BACE2: variants seen among roughly 807,000 people sequenced by gnomAD.
BACE2 encodes 56 kDa aspartic-like protease.
Under a neutral mutation model 46.2 loss-of-function variants are expected in BACE2, and 17 were observed. That is an observed-to-expected ratio of 0.37 (90% CI 0.25 to 0.55). The LOEUF (loss-of-function observed/expected upper bound fraction) is 0.55. BACE2 is among the 20% of genes least tolerant of loss of function. The probability of loss-of-function intolerance (pLI) is 0.82; values close to 1 mark genes in which losing one functional copy is unlikely to be tolerated. For missense variants in BACE2, 595 were observed against 698.1 expected, an observed-to-expected ratio of 0.85 and a Z score of 1.66; for synonymous variants, 277 against 295.9, an observed-to-expected ratio of 0.94 and a Z score of 0.66.
chr21:41,219,011 C>T (rs577534442), intron 1 of BACE2, among the ~76,000 whole-genome samples: 8 of 151,950 alleles, frequency 5.3e-5, no homozygotes, highest in African/African-American at 1.2e-4. Context: ...TACAGGTGTG[C>T]GCCACCACAC....
At chr21:41,187,112 A>G (rs775025460) in intron 1 of BACE2, among the ~76,000 whole-genome samples, 4 of 152,144 alleles carry the variant, frequency 2.6e-5, no homozygotes, top group Non-Finnish European at 5.9e-5. Context: ...AGTGTGTGTC[A>G]TGGAGGAGGT....
chr21:41,251,903 C>T (rs1329510716), intron 7 of BACE2, among the ~76,000 whole-genome samples: 2 of 152,152 alleles, frequency 1.3e-5, no homozygotes, highest in Non-Finnish European at 2.9e-5. Context: ...CCAGTACCCA[C>T]TGACTCCCTC....
At chr21:41,202,202 G>A (rs996775948) in intron 1 of BACE2, among the ~76,000 whole-genome samples, 1 of 152,170 alleles carries the variant, frequency 6.6e-6, no homozygotes, top group East Asian at 1.9e-4. Context: ...GGAAACTGAC[G>A]GTTAGATGTT....
Position 41,250,803 on chromosome 21 carries a change from A to T in BACE2, c.1036A>T (p.Thr346Ser). The T allele has an allele frequency of 6.2e-7, 1 of 1,614,156 alleles. No individual in the cohort carries two copies. Among genetic ancestry groups the T allele is most frequent in the Non-Finnish European group, 8.5e-7 (1 of 1,180,018 alleles). The change falls in exon 7 of 9, where the codon ACG becomes TCG. Residue 346 changes from threonine (T) to serine (S), a missense_variant. This residue lies in a region of BACE2 where 343 missense variants were observed against 419.4 expected (regional missense o/e 0.82). Transcript: ENST00000330333. ...GACTGGGTCCCAGCTGGCGTGCTGG[A>T]CGAATTCGGAAACACCTTGGTCTTA... ...FWTGSQLACW[T>S]NSETPWSYFP... is the part of the protein sequence containing the mutation.
At chr21:41,270,753 T>C (rs542684789) in intron 8 of BACE2, among the ~76,000 whole-genome samples, 1 of 152,370 alleles carries the variant, frequency 6.6e-6, no homozygotes, top group Admixed American at 6.5e-5. Context: ...CAGTAAATAT[T>C]TCTTGTGCTC....
intron 1 of BACE2, among the ~76,000 whole-genome samples, chr21:41,172,748 C>T (rs1235883499): frequency 6.6e-6 from 1 of 152,222 alleles, no homozygotes; most frequent in Admixed American, 6.5e-5. Context: ...GTGTAACCTC[C>T]CTCATCTTCC....
In BACE2 at chr21:41,278,913, G is replaced by A. The variant is rs886876821; in HGVS notation, c.*3289G>A. ...AATTTCACAGACTTTATCCTGATTA[G>A]TGGAAATCAAATAATGGAGTGGAAT... On this transcript the variant is annotated 3_prime_UTR_variant, in exon 9 of 9. Coordinates refer to ENST00000330333, the MANE Select transcript of BACE2 (RefSeq NM_012105.5). 6.6e-6 allele frequency: 1 copy of A among 152,162 alleles called. No individual in the cohort carries two copies. The allele number at this position is 152,162 out of a possible 1,614,324, so 9.4% of individuals were successfully genotyped here.
intron 1 of BACE2, among the ~76,000 whole-genome samples, chr21:41,222,596 G>A (rs1026953107): frequency 1.3e-5 from 2 of 152,228 alleles, no homozygotes; most frequent in African/African-American, 4.8e-5. Context: ...TGAGGACTTC[G>A]CCAGTTACTC....
In BACE2 at chr21:41,226,331, A is replaced by T; in HGVS notation, c.378A>T (p.Ile126=). ...FAVAGTPHSY[I]DTYFDTERSS... Reference sequence around the variant, plus strand: ...TGGCAGGAACCCCGCACTCCTACATAGACACGTACTTTGACACAGAGAGGT... The same window carrying T: ...TGGCAGGAACCCCGCACTCCTACATTGACACGTACTTTGACACAGAGAGGT... The change falls in exon 2 of 9, where the codon ATA becomes ATT. Residue 126 remains isoleucine (I), a synonymous_variant. Coordinates refer to ENST00000330333, the MANE Select transcript of BACE2 (RefSeq NM_012105.5). 1 of 1,614,120 alleles carries T rather than the reference A, an allele frequency of 6.2e-7. No individual in the cohort carries two copies. Among genetic ancestry groups the T allele is most frequent in the Non-Finnish European group, 8.5e-7 (1 of 1,180,026 alleles).
At chr21:41,253,945 T>C (rs1051956594) in intron 7 of BACE2, among the ~76,000 whole-genome samples, 4 of 152,110 alleles carry the variant, frequency 2.6e-5, no homozygotes, top group African/African-American at 9.7e-5. Flanking sequence ...GGGACTCCAG[T>C]AGGAAGCTGG....
rs1468436697 is a variant in BACE2, at chr21:41,224,221, TTTTTTTTTTTTG to T, written c.313-2044_313-2033del. ...CTTGCCTATTTTGATTTTTTTTTTT[TTTTTTTTTTTTG>T]AGATGGAGTATCGTTCTGTCACCCA... On this transcript the variant is annotated intron_variant, in intron 1 of 8. Transcript: ENST00000330333. 4.2e-5 allele frequency among the ~76,000 whole-genome samples: 6 copies of T among 143,272 alleles called. No individual in the cohort carries two copies. The East Asian group carries it at 9.8e-4, about 23-fold the overall frequency. 94.0% of individuals were successfully genotyped at this position (143,272 alleles called of 152,430 possible). A position where few individuals can be genotyped will look rare whatever the true frequency, so the allele number is the denominator to read the frequency against.
rs960497196 is a variant in BACE2 at position 41,277,659 on chromosome 21, G to A, written c.*2035G>A. ...CAGACATGCCCTGATTAGTTTTCCTGCTTATTTCTTCATACAGGCATCTTC... is the reference window on the plus strand; with the variant it reads ...CAGACATGCCCTGATTAGTTTTCCTACTTATTTCTTCATACAGGCATCTTC... On this transcript the variant is annotated 3_prime_UTR_variant, in exon 9 of 9. Coordinates refer to ENST00000330333, the MANE Select transcript of BACE2 (RefSeq NM_012105.5). 4 of 152,200 alleles carry A rather than the reference G, an allele frequency of 2.6e-5. No individual in the cohort carries two copies. The highest frequency in any genetic ancestry group is 4.4e-5 in the Non-Finnish European group (3 of 68,046). The allele number at this position is 152,200 out of a possible 1,614,324, so 9.4% of individuals were successfully genotyped here. A position where few individuals can be genotyped will look rare whatever the true frequency, so the allele number is the denominator to read the frequency against.
At chr21:41,175,116 A>G (rs891880604) in intron 1 of BACE2, 1 of 152,198 alleles carries the variant, frequency 6.6e-6, no homozygotes, top group Non-Finnish European at 1.5e-5. Context: ...TTTTGCTCTT[A>G]GAATTCTCAA....
rs140823310 is a variant in BACE2, at chr21:41,257,732, C to T, written c.1303+406C>T. The stretch of plus-strand genomic sequence containing the variant: ...TTTGAAATAGGAAATGAACACCTAT[C>T]GTTGCGATTTCTTGAAATCCTAATA... On this transcript the variant is annotated intron_variant, in intron 8 of 8. Transcript: ENST00000330333. Among the ~76,000 whole-genome samples, 1,123 of 152,288 alleles carry T rather than the reference C, an allele frequency of 7.4e-3. 7 individuals carry two copies. Among genetic ancestry groups the T allele is most frequent in the Non-Finnish European group, 0.012 (790 of 68,028 alleles).
At chr21:41,180,712 T>C (rs1362759366) in intron 1 of BACE2, 1 of 167,158 alleles carries the variant, frequency 6.0e-6, no homozygotes, top group African/African-American at 2.4e-5. Flanking sequence ...CCAGATATAG[T>C]TGGGGGCAGT....
intron 8 of BACE2, among the ~76,000 whole-genome samples, chr21:41,273,496 T>C (rs1041604712): frequency 3.3e-5 from 5 of 152,234 alleles, no homozygotes; most frequent in African/African-American, 1.2e-4. Context: ...ATATTTCTCC[T>C]ATTTGCTTTT....
chr21:41,253,181 C>T (rs982848338), intron 7 of BACE2, among the ~76,000 whole-genome samples: 2 of 152,058 alleles, frequency 1.3e-5, no homozygotes, highest in Admixed American at 6.5e-5. Context: ...GTGGCTCATG[C>T]CTGTAATCCC....
intron 1 of BACE2, among the ~76,000 whole-genome samples, chr21:41,212,671 C>A (rs1986335643): frequency 6.6e-6 from 1 of 152,116 alleles, no homozygotes; most frequent in African/African-American, 2.4e-5. Context: ...CGGTTTGGAC[C>A]CACCAGCTGT....
At chr21:41,256,067 T>TTTTG (rs946092870) in intron 7 of BACE2, among the ~76,000 whole-genome samples, 1 of 151,410 alleles carries the variant, frequency 6.6e-6, no homozygotes, top group Non-Finnish European at 1.5e-5. Flanking sequence ...AACCTTTTTT[T>TTTTG]TTTGTTTGTT....
Sources: allele counts gnomAD v4.1 joint callset (sites outside exome capture counted in the v4.1 genomes callset), GRCh38; gene constraint gnomAD v4.1.1; regional missense constraint gnomAD v4.1.1; transcripts MANE v1.5; gene names NCBI Gene and HGNC (gene_info 2026-07-23, HGNC 2026-07-21).